ROR1: variants seen among roughly 807,000 people sequenced by gnomAD.
The protein encoded by ROR1 is inactive tyrosine-protein kinase transmembrane receptor ROR1.
ROR1 carries 19 observed loss-of-function variants against 78.8 expected under a neutral mutation model. The ratio of observed to expected loss-of-function variants is 0.24; its 90% CI spans 0.17 to 0.35. The LOEUF is 0.35. Ranked by LOEUF, ROR1 falls within the 10% of genes least tolerant of loss-of-function variation. The pLI is 1.00. For synonymous variants in ROR1, 386 were observed against 433.6 expected (o/e 0.89, Z 1.36); for missense variants, 917 against 1,177.8 (o/e 0.78, Z 3.24).
chr1:64,130,039 A>G (rs988456804), intron 4 of ROR1, among the ~76,000 whole-genome samples: 106 of 152,344 alleles, frequency 7.0e-4, no homozygotes, highest in African/African-American at 2.5e-3. Context: ...TTTTTAAAGA[A>G]AAAAAGGTGG....
chr1:64,140,216 T>A lies in ROR1; in HGVS notation c.718T>A (p.Ser240Thr). 6.2e-7 allele frequency: 1 copy of A among 1,614,166 alleles called. No homozygotes were observed. The highest frequency in any genetic ancestry group is 8.5e-7 in the Non-Finnish European group (1 of 1,180,016). Residue 240 changes from serine (S) to threonine (T), a missense_variant, in exon 6 of 9, where the codon TCC becomes ACC. Ser to Thr is a moderately conservative substitution (Grantham distance 58). Around this residue, in one of 3 missense-constraint regions of ROR1, gnomAD observed 835 missense variants for 1,069.8 expected, o/e 0.78. Coordinates refer to ENST00000371079, the MANE Select transcript of ROR1 (RefSeq NM_005012.4). ...YAFPYCDETS[S>T]VPKPRDLCRD... ...CTTCCCGTACTGCGATGAAACTTCA[T>A]CCGTCCCAAAGCCCCGTGACTTGTG...
chr1:63,947,508 C>T (rs990311812), intron 1 of ROR1, among the ~76,000 whole-genome samples: 2 of 152,114 alleles, frequency 1.3e-5, no homozygotes, highest in Non-Finnish European at 2.9e-5. Context: ...CTTGGGTCTG[C>T]ATTGAAGCCT....
chr1:63,791,545 C>G (rs1324845546), intron 1 of ROR1, among the ~76,000 whole-genome samples: 1 of 152,160 alleles, frequency 6.6e-6, no homozygotes, highest in Admixed American at 6.5e-5. Flanking sequence ...CCAGTTCCCA[C>G]CATCCCCTTG....
intron 4 of ROR1, among the ~76,000 whole-genome samples, chr1:64,075,209 A>T (rs1647039128): frequency 6.6e-6 from 1 of 152,190 alleles, no homozygotes; most frequent in African/African-American, 2.4e-5. Flanking sequence ...ACACCCTAAA[A>T]TGTTTTAAAT....
At chr1:63,969,110 G>A (rs1449990021) in intron 1 of ROR1, among the ~76,000 whole-genome samples, 1 of 152,076 alleles carries the variant, frequency 6.6e-6, no homozygotes, top group Non-Finnish European at 1.5e-5. Flanking sequence ...GTTTCTGATT[G>A]TGTGACCTTG....
At chr1:64,050,361 T>G (rs535729871) in intron 3 of ROR1, among the ~76,000 whole-genome samples, 2 of 152,304 alleles carry the variant, frequency 1.3e-5, no homozygotes, top group African/African-American at 4.8e-5. Flanking sequence ...CACTCACTGT[T>G]GCAATCAACA....
chr1:63,940,478 TAGAC>T (rs1557573218), intron 1 of ROR1, among the ~76,000 whole-genome samples: 30 of 146,498 alleles, frequency 2.0e-4, no homozygotes, highest in Middle Eastern at 3.5e-3. Context: ...GATAGATAGA[TAGAC>T]AGATAGATAG....
intron 1 of ROR1, among the ~76,000 whole-genome samples, chr1:63,786,328 A>G (rs1569703740): frequency 1.6e-5 from 2 of 123,806 alleles, no homozygotes; most frequent in South Asian, 5.2e-4. Flanking sequence ...GCTGGAGTGC[A>G]GTGGCACAAT....
At chr1:64,009,211 C>A in intron 1 of ROR1, 94 bp from the exon 2 acceptor site, 1 of 956,838 alleles carries the variant, frequency 1.0e-6, no homozygotes. Flanking sequence ...AAGGCAGGCC[C>A]TTTGGAAATC....
At chr1:64,001,576 T>C (rs1019909967) in intron 1 of ROR1, among the ~76,000 whole-genome samples, 11 of 151,554 alleles carry the variant, frequency 7.3e-5, no homozygotes, top group African/African-American at 2.7e-4. Flanking sequence ...AGAATCTCTC[T>C]GGTCTTTACA....
chr1:64,032,085 G>T (rs945580669), intron 2 of ROR1, among the ~76,000 whole-genome samples: 3 of 151,980 alleles, frequency 2.0e-5, no homozygotes, highest in Non-Finnish European at 4.4e-5. Context: ...GCTCATGCCT[G>T]TAATCCCAGC....
At chr1:64,117,475 A>T (rs1165316651) in intron 4 of ROR1, among the ~76,000 whole-genome samples, 2 of 152,150 alleles carry the variant, frequency 1.3e-5, no homozygotes, top group Non-Finnish European at 2.9e-5. Context: ...GATAAAAATC[A>T]CATTTTCTGA....
intron 4 of ROR1, among the ~76,000 whole-genome samples, chr1:64,102,874 G>C (rs890901474): frequency 2.0e-5 from 3 of 152,160 alleles, no homozygotes; most frequent in Admixed American, 2.0e-4. Context: ...CCACGCACTG[G>C]ATGCCAGCAA....
chr1:63,934,889 C>G (rs1317782777), intron 1 of ROR1, among the ~76,000 whole-genome samples: 1 of 152,046 alleles, frequency 6.6e-6, no homozygotes, highest in Non-Finnish European at 1.5e-5. Flanking sequence ...GTTAACCCAT[C>G]CCACATTGTA....
At chr1:63,851,245 T>G (rs1250764064) in intron 1 of ROR1, among the ~76,000 whole-genome samples, 2 of 152,234 alleles carry the variant, frequency 1.3e-5, no homozygotes, top group African/African-American at 4.8e-5. Flanking sequence ...CCTAAAGTAC[T>G]GGGATTACAG....
rs182248929 is a variant in ROR1, at chr1:63,796,273, C to G, written c.91+21765C>G. Among the ~76,000 whole-genome samples the G allele has an allele frequency of 2.3e-3, 350 of 152,272 alleles. 1 individual carries two copies. The highest frequency in any genetic ancestry group is 8.1e-3 in the African/African-American group (337 of 41,556). On this transcript the variant is annotated intron_variant, in intron 1 of 8. Transcript: ENST00000371079. ...ACCTCTAACTAGCTGTGTGGCCCCA[C>G]ACAAAACACTTGCCTTCTCTGATCC...
Position 64,139,164 on chromosome 1 carries a change from C to CAA in ROR1, c.611-919_611-918dup, listed in dbSNP as rs755368714. ...CCTGGGCGACAGAGTGAGACTGTCT[C>CAA]AAAAAAAAAAAAAAAAAAAAAAAAA... On this transcript the variant is annotated intron_variant, in intron 5 of 8. Coordinates refer to ENST00000371079, the MANE Select transcript of ROR1 (RefSeq NM_005012.4). 4.4e-3 allele frequency among the ~76,000 whole-genome samples: 91 copies of CAA among 20,576 alleles called. 3 individuals carry two copies. Among genetic ancestry groups the CAA allele is most frequent in the African/African-American group, 9.8e-3 (66 of 6,738 alleles). The allele number at this position is 20,576 out of a possible 152,430, so 13.5% of individuals were successfully genotyped here. A position where few individuals can be genotyped will look rare whatever the true frequency, so the allele number is the denominator to read the frequency against.
At chr1:63,871,705 AT>A (rs1396040961) in intron 1 of ROR1, among the ~76,000 whole-genome samples, 1 of 152,172 alleles carries the variant, frequency 6.6e-6, no homozygotes, top group African/African-American at 2.4e-5. Flanking sequence ...ACAAAACTTG[AT>A]TTTGACATTG....
chr1:64,036,477 A>G lies in ROR1; in HGVS notation c.164-13214A>G, dbSNP rs141271982. ...AGTTCATCCAGGAGTCTCCCAGAAT[A>G]TACTCCCATCATGTATTCTCTGTGC... On this transcript the variant is annotated intron_variant, in intron 2 of 8. Transcript: ENST00000371079. Among the ~76,000 whole-genome samples, 184 of 152,260 alleles carry G rather than the reference A, an allele frequency of 1.2e-3. 3 individuals are homozygous for G. The highest frequency in any genetic ancestry group is 4.1e-3 in the African/African-American group (171 of 41,570).
Sources: gnomAD v4.1 joint callset for allele counts (sites outside exome capture counted in the v4.1 genomes callset) on GRCh38, gnomAD v4.1.1 for gene constraint, gnomAD v4.1.1 regional missense constraint, MANE v1.5 for transcripts, NCBI Gene and HGNC (gene_info 2026-07-23, HGNC 2026-07-21) for gene names.